The following GFPT1 variants were observed in gnomAD, a reference collection of about 807,000 sequenced individuals.
The protein encoded by GFPT1 is glutamine--fructose-6-phosphate aminotransferase [isomerizing] 1.
In GFPT1, 40 loss-of-function variants were observed where a neutral mutation model predicts 92.0. That is an observed-to-expected ratio of 0.43 (90% CI 0.34 to 0.57). The LOEUF (loss-of-function observed/expected upper bound fraction) is 0.57, where lower values mean the gene tolerates loss of function less well. GFPT1 is among the 20% of genes least tolerant of loss of function. The pLI is 0.02. For synonymous variants in GFPT1, 269 were observed against 280.6 expected, an observed-to-expected ratio of 0.96 and a Z score of 0.41; for missense variants, 448 against 869.1, an observed-to-expected ratio of 0.52 and a Z score of 6.09.
In GFPT1 at chr2:69,357,515, A is replaced by G. The variant is rs560221876; in HGVS notation, c.543+814T>C. ...AGAAACGAGAAAAGGCTGGGAAGGC[A>G]CACTACTCCACTCTGCCTTGGGGAA... On this transcript the variant is annotated intron_variant, in intron 6 of 19. Coordinates refer to ENST00000357308, the MANE Select transcript of GFPT1 (RefSeq NM_001244710.2). Among the ~76,000 whole-genome samples, 6 of 152,320 alleles carry G rather than the reference A, an allele frequency of 3.9e-5. No individual in the cohort carries two copies. The South Asian group carries it at 1.0e-3, about 26-fold the overall frequency.
intron 3 of GFPT1, 37 bp downstream of exon 3, chr2:69,369,964 A>AG (rs1177642470): frequency 1.8e-6 from 2 of 1,139,388 alleles, no homozygotes; most frequent in East Asian, 4.7e-5. Context: ...AAGGAAGAGA[A>AG]GGGGAAAGGG....
intron 7 of GFPT1, among the ~76,000 whole-genome samples, chr2:69,356,162 T>A (rs2104651439): frequency 6.6e-6 from 1 of 152,078 alleles, no homozygotes; most frequent in Non-Finnish European, 1.5e-5. Flanking sequence ...CCCGGCTAAT[T>A]TTTCTATATT....
At chr2:69,340,092 C>T (rs899706389) in intron 13 of GFPT1, among the ~76,000 whole-genome samples, 4 of 148,504 alleles carry the variant, frequency 2.7e-5, no homozygotes, top group Non-Finnish European at 5.9e-5. Flanking sequence ...AAAGTAATCT[C>T]AAGATTTATC....
chr2:69,360,275 G>A (rs934977299), intron 4 of GFPT1, among the ~76,000 whole-genome samples: 20 of 143,768 alleles, frequency 1.4e-4, no homozygotes, highest in Non-Finnish European at 2.2e-4. Flanking sequence ...GTTGCAGTGA[G>A]CCGAGATCCC....
chr2:69,340,618 G>A (rs1003632839), intron 13 of GFPT1, among the ~76,000 whole-genome samples: 2 of 151,836 alleles, frequency 1.3e-5, no homozygotes, highest in African/African-American at 2.4e-5. Flanking sequence ...TGATTAGAGT[G>A]TAGTCAGTTA....
intron 3 of GFPT1, 33 bp downstream of exon 3, chr2:69,369,968 G>T: frequency 8.4e-7 from 1 of 1,197,546 alleles, no homozygotes; most frequent in Non-Finnish European, 1.3e-6. Flanking sequence ...AAGAGAAGGG[G>T]AAAGGGGACA....
rs775046657 is a variant in GFPT1 at position 69,358,413 on chromosome 2, G to A, written c.459C>T (p.Ala153=). The change falls in exon 6 of 20, where the codon GCC becomes GCT. Residue 153 remains alanine, a synonymous_variant. Coordinates refer to ENST00000357308, the MANE Select transcript of GFPT1 (RefSeq NM_001244710.2). The part of the protein sequence containing the change: ...FESETDTETI[A]KLVKYMYDNR... Reference sequence around the variant, plus strand: ...TGTCATACATATACTTAACGAGCTTGGCAATTGTCTCTGTGTCTGTTTCAG... The same window carrying A: ...TGTCATACATATACTTAACGAGCTTAGCAATTGTCTCTGTGTCTGTTTCAG... The A allele has an allele frequency of 3.2e-5, 52 of 1,609,488 alleles. No individual in the cohort carries two copies. The South Asian group carries it at 5.2e-4, about 16-fold the overall frequency.
intron 1 of GFPT1, among the ~76,000 whole-genome samples, chr2:69,375,930 T>A (rs1414488178): frequency 6.6e-6 from 1 of 152,210 alleles, no homozygotes; most frequent in Non-Finnish European, 1.5e-5. Context: ...TGGCTACTCA[T>A]GATATAAACA....
At chr2:69,349,369 C>G (rs765993836) in intron 10 of GFPT1, among the ~76,000 whole-genome samples, 1 of 152,144 alleles carries the variant, frequency 6.6e-6, no homozygotes, top group Non-Finnish European at 1.5e-5. Context: ...CACATCTTAG[C>G]CCTGACTACA....
rs565984337 is a variant in GFPT1 at position 69,354,714 on chromosome 2, T to G, written c.606-146A>C. The G allele has an allele frequency of 5.6e-4, 372 of 665,906 alleles. 2 individuals carry two copies. The highest frequency in any genetic ancestry group is 1.1e-4 in the Non-Finnish European group (39 of 368,474). 41.2% of individuals were successfully genotyped at this position (665,906 alleles called of 1,614,324 possible). ...GATATAAGAACTAGATAAAAAGAAT[T>G]TTTTAAAAAAATCAGTATTGGGCCA... On this transcript the variant is annotated intron_variant, in intron 7 of 19. Coordinates refer to ENST00000357308, the MANE Select transcript of GFPT1 (RefSeq NM_001244710.2).
rs1376327141 is a variant in GFPT1 at position 69,322,307 on chromosome 2, GCTT to G, written c.*3879_*3881del. 2.0e-5 allele frequency: 3 copies of G among 151,980 alleles called. No homozygotes were observed. Among genetic ancestry groups the G allele is most frequent in the African/African-American group, 7.3e-5 (3 of 41,354 alleles). 9.4% of individuals were successfully genotyped at this position (151,980 alleles called of 1,614,324 possible). ...TCAATAATACTTTCAATGACATTGT[GCTT>G]CTTTAGAAAAATCACTTAAGTTGTA... On this transcript the variant is annotated 3_prime_UTR_variant, in exon 20 of 20. Coordinates refer to ENST00000357308, the MANE Select transcript of GFPT1 (RefSeq NM_001244710.2).
chr2:69,362,107 G>A (rs147436714), intron 4 of GFPT1, among the ~76,000 whole-genome samples: 4 of 151,972 alleles, frequency 2.6e-5, no homozygotes, highest in African/African-American at 4.8e-5. Context: ...TGTTACCTAC[G>A]AGGGGAATAA....
Position 69,321,295 on chromosome 2 carries a change from G to A in GFPT1, c.*4894C>T, listed in dbSNP as rs937612333. 6 of 152,192 alleles carry A rather than the reference G, an allele frequency of 3.9e-5. No individual in the cohort carries two copies. The highest frequency in any genetic ancestry group is 1.2e-4 in the African/African-American group (5 of 41,442). 9.4% of individuals were successfully genotyped at this position (152,192 alleles called of 1,614,324 possible). On this transcript the variant is annotated 3_prime_UTR_variant, in exon 20 of 20. Coordinates refer to ENST00000357308, the MANE Select transcript of GFPT1 (RefSeq NM_001244710.2). ...GGGCAGAGCCTTTGTTTTATCTAAC[G>A]ATTCTTTCCCAAACTGGGAAGTTCG...
In GFPT1 at chr2:69,373,807, A is replaced by G. The variant is rs190087592; in HGVS notation, c.115+199T>C. 1.6e-3 allele frequency among the ~76,000 whole-genome samples: 237 copies of G among 152,332 alleles called. 1 individual carries two copies. The highest frequency in any genetic ancestry group is 2.7e-3 in the Non-Finnish European group (183 of 68,040). On this transcript the variant is annotated intron_variant, in intron 2 of 19. Coordinates refer to ENST00000357308, the MANE Select transcript of GFPT1 (RefSeq NM_001244710.2). Reference sequence around the variant, plus strand: ...ACAATAATATTCTTAAGAGATCATCATAAGCAATACTCCACATAAATGGTA... The same window carrying G: ...ACAATAATATTCTTAAGAGATCATCGTAAGCAATACTCCACATAAATGGTA...
chr2:69,358,418 T>C lies in GFPT1; in HGVS notation c.454A>G (p.Ile152Val). The C allele has an allele frequency of 6.2e-7, 1 of 1,610,366 alleles. No homozygotes were observed. The highest frequency in any genetic ancestry group is 8.5e-7 in the Non-Finnish European group (1 of 1,176,678). Reference sequence around the variant, plus strand: ...TACATATACTTAACGAGCTTGGCAATTGTCTCTGTGTCTGTTTCAGATTCG... The same window carrying C: ...TACATATACTTAACGAGCTTGGCAACTGTCTCTGTGTCTGTTTCAGATTCG... The part of the protein sequence containing the change: ...DFESETDTET[I>V]AKLVKYMYDN... The change falls in exon 6 of 20, where the codon ATT becomes GTT. Residue 152 changes from isoleucine to valine, a missense_variant. Transcript: ENST00000357308.
chr2:69,374,955 T>A (rs1035521773), intron 1 of GFPT1, among the ~76,000 whole-genome samples: 1 of 152,206 alleles, frequency 6.6e-6, no homozygotes, highest in Non-Finnish European at 1.5e-5. Context: ...TACTTGTTCA[T>A]CACATTAGCA....
At chr2:69,379,701 AATTT>A (rs948980666) in intron 1 of GFPT1, among the ~76,000 whole-genome samples, 24 of 151,288 alleles carry the variant, frequency 1.6e-4, no homozygotes, top group Non-Finnish European at 2.8e-4. Context: ...ATGTGCCTGT[AATTT>A]ATTTATTTAT....
At chr2:69,375,183 T>C (rs1302740981) in intron 1 of GFPT1, among the ~76,000 whole-genome samples, 1 of 152,228 alleles carries the variant, frequency 6.6e-6, no homozygotes, top group Non-Finnish European at 1.5e-5. Context: ...TGGACACAGC[T>C]TTAATGTATC....
intron 13 of GFPT1, among the ~76,000 whole-genome samples, chr2:69,338,839 C>T (rs865953074): frequency 1.6e-5 from 2 of 128,854 alleles, no homozygotes; most frequent in African/African-American, 3.1e-5. Flanking sequence ...CTCGCTCTGT[C>T]GCCAGGCTGG....
Sources: allele counts gnomAD v4.1 joint callset (sites outside exome capture counted in the v4.1 genomes callset), GRCh38; gene constraint gnomAD v4.1.1; transcripts MANE v1.5; gene names NCBI Gene and HGNC (gene_info 2026-07-23, HGNC 2026-07-21).